TCF20: variants seen among roughly 807,000 people sequenced by gnomAD.
The protein encoded by TCF20 is SPRE-binding protein.
In TCF20, 3 loss-of-function variants were observed where a neutral mutation model predicts 148.6. That is an observed-to-expected ratio of 0.02 (90% CI 0.01 to 0.05). TCF20 has a LOEUF of 0.05. TCF20 is among the 10% of genes least tolerant of loss of function. TCF20 has a pLI of 1.00. For missense variants in TCF20, 2,350 were observed against 2,429.3 expected (o/e 0.97, Z 0.69); for synonymous variants, 1,049 against 909.5 (o/e 1.15, Z -2.76).
intron 1 of TCF20, chr22:42,269,856 C>T (rs1257226473): frequency 6.6e-6 from 1 of 152,370 alleles, no homozygotes; most frequent in African/African-American, 2.4e-5. Flanking sequence ...CGCCCTCCCG[C>T]CCACATCCCG....
intron 2 of TCF20, among the ~76,000 whole-genome samples, chr22:42,204,688 T>TA (rs772612674): frequency 6.6e-6 from 1 of 151,730 alleles, no homozygotes; most frequent in East Asian, 1.9e-4. Flanking sequence ...CTATTAAAAA[T>TA]ACAAAAATTA....
In TCF20 at chr22:42,163,626, A is replaced by G. The variant is rs139391067; in HGVS notation, c.*45-2268T>C. ...ACATGTAGCCCAAAGCGACGTGGCC[A>G]GAGGTGGGACTGGGGCTTTCCCAAC... On this transcript the variant is annotated intron_variant, in intron 5 of 5. Coordinates refer to ENST00000677622, the MANE Select transcript of TCF20 (RefSeq NM_001378418.1). Among the ~76,000 whole-genome samples, 4 of 152,352 alleles carry G rather than the reference A, an allele frequency of 2.6e-5. No homozygotes were observed. In the East Asian group the frequency reaches 7.7e-4, roughly 29 times the overall value.
chr22:42,288,243 A>T (rs1927066542), upstream of TCF20, among the ~76,000 whole-genome samples: 1 of 152,164 alleles, frequency 6.6e-6, no homozygotes, highest in Non-Finnish European at 1.5e-5. Context: ...AAATACAAAA[A>T]TTAGCCAGGC....
intron 1 of TCF20, among the ~76,000 whole-genome samples, chr22:42,251,551 G>A (rs959902898): frequency 3.4e-5 from 4 of 118,990 alleles, no homozygotes; most frequent in Non-Finnish European, 6.5e-5. Context: ...CACCCAGGTT[G>A]GAGTACAGTG....
chr22:42,164,014 C>CA (rs1160074451), intron 5 of TCF20, among the ~76,000 whole-genome samples: 4 of 152,072 alleles, frequency 2.6e-5, no homozygotes, highest in African/African-American at 7.2e-5. Flanking sequence ...CCAACTGCAG[C>CA]AAAAACTCAT....
intron 1 of TCF20, among the ~76,000 whole-genome samples, chr22:42,225,785 G>A (rs534208206): frequency 6.6e-6 from 1 of 152,272 alleles, no homozygotes; most frequent in African/African-American, 2.4e-5. Flanking sequence ...GAGCCTGCCA[G>A]ACAGGACCTC....
chr22:42,249,367 T>C (rs563957661), intron 1 of TCF20, among the ~76,000 whole-genome samples: 2 of 152,316 alleles, frequency 1.3e-5, no homozygotes, highest in Non-Finnish European at 2.9e-5. Flanking sequence ...TCTATACACA[T>C]ATCCTATTGG....
rs1378115635 is a variant in TCF20 at position 42,169,868 on chromosome 22, C to T, written c.5778G>A (p.Ser1926=). 8 of 1,613,234 alleles carry T rather than the reference C, an allele frequency of 5.0e-6. No individual in the cohort carries two copies. Among genetic ancestry groups the T allele is most frequent in the Non-Finnish European group, 5.9e-6 (7 of 1,179,994 alleles). The change falls in exon 4 of 6, where the codon TCG becomes TCA. Residue 1926 remains serine, a synonymous_variant. Coordinates refer to ENST00000677622, the MANE Select transcript of TCF20 (RefSeq NM_001378418.1). ...ADCLLHEENF[S]VRCPKHKPPL... ...TCACCTTGTGCTTAGGGCACCTCACCGAGAAGTTCTCCTCATGTAGCAAAC... is the reference window on the plus strand; with the variant it reads ...TCACCTTGTGCTTAGGGCACCTCACTGAGAAGTTCTCCTCATGTAGCAAAC...
chr22:42,343,246 A>G (rs1175694392), intron 1 of TCF20, among the ~76,000 whole-genome samples: 1 of 152,106 alleles, frequency 6.6e-6, no homozygotes, highest in African/African-American at 2.4e-5. Context: ...TCTCATCTGT[A>G]CAATGGGGAC....
intron 2 of TCF20, among the ~76,000 whole-genome samples, chr22:42,209,219 G>C (rs1483211488): frequency 2.0e-5 from 3 of 152,146 alleles, no homozygotes; most frequent in Non-Finnish European, 4.4e-5. Flanking sequence ...ACTACTAAAG[G>C]ATGATGCACG....
intron 1 of TCF20, among the ~76,000 whole-genome samples, chr22:42,257,243 C>T (rs1009125164): frequency 5.3e-5 from 8 of 152,322 alleles, no homozygotes; most frequent in Admixed American, 3.9e-4. Context: ...ACCTAAACCG[C>T]TAATATTCCA....
At chr22:42,248,031 G>A (rs1925063325) in intron 1 of TCF20, among the ~76,000 whole-genome samples, 1 of 152,164 alleles carries the variant, frequency 6.6e-6, no homozygotes, top group East Asian at 1.9e-4. Flanking sequence ...CACTACTCTA[G>A]GAAACATGGA....
chr22:42,200,687 C>T (rs933834474), intron 2 of TCF20, among the ~76,000 whole-genome samples: 6 of 145,524 alleles, frequency 4.1e-5, no homozygotes, highest in African/African-American at 1.0e-4. Flanking sequence ...ATCCCTAAAA[C>T]GTTTCTCAGA....
chr22:42,242,068 A>T (rs1285180116), intron 1 of TCF20, among the ~76,000 whole-genome samples: 1 of 151,486 alleles, frequency 6.6e-6, no homozygotes, highest in Non-Finnish European at 1.5e-5. Context: ...CAGGCGTGGT[A>T]ATAAGTGCCT....
intron 1 of TCF20, among the ~76,000 whole-genome samples, chr22:42,241,510 T>G (rs1442259187): frequency 6.6e-6 from 1 of 152,176 alleles, no homozygotes; most frequent in Non-Finnish European, 1.5e-5. Context: ...TGGTAAGAAC[T>G]ATCCATTGAG....
At chr22:42,331,885 G>A (rs1927981820) in intron 1 of TCF20, among the ~76,000 whole-genome samples, 1 of 152,264 alleles carries the variant, frequency 6.6e-6, no homozygotes, top group Non-Finnish European at 1.5e-5. Flanking sequence ...GGGTGTCAGA[G>A]ATCACGGAAT....
Position 42,168,714 on chromosome 22 carries a change from G to A in TCF20, c.5822C>T (p.Pro1941Leu), listed in dbSNP as rs764774335. 9 of 1,611,262 alleles carry A rather than the reference G, an allele frequency of 5.6e-6. No homozygotes were observed. The highest frequency in any genetic ancestry group is 2.2e-5 in the East Asian group (1 of 44,798). ...TTTCGCGGTCTTGTTCTGCAAGGGG[G>A]GGAGAGGGCACGGAAGGGGAGGCTG... is the stretch of plus-strand genomic sequence containing the variant. ...KHKPPLPCPL[P>L]PLQNKTAKGS... is the part of the protein sequence containing the mutation. Residue 1941 changes from proline (P) to leucine (L), a missense_variant, in exon 5 of 6, where the codon CCC becomes CTC. Pro to Leu is a moderately conservative substitution (Grantham distance 98). This residue lies in a region of TCF20 where 67 missense variants were observed against 60.8 expected (regional missense o/e 1.10). Transcript: ENST00000677622.
At position 42,212,610 on chromosome 22, in the gene TCF20, C is replaced by A. The variant is rs374348035; in HGVS notation, c.2696G>T (p.Arg899Leu). ...CGACTGACTTAAAGTTGGATTGAGA[C>A]GGTCATTCCTCCCAATTCTGGTGTC... Reference protein sequence around the residue: ...SADTRIGRNDRLNPTLSQSVI... With the variant: ...SADTRIGRNDLLNPTLSQSVI... Residue 899 changes from arginine (R) to leucine (L), a missense_variant, in exon 2 of 6, where the codon CGT becomes CTT. By Grantham distance (102) the Arg-to-Leu change is moderately radical. Coordinates refer to ENST00000677622, the MANE Select transcript of TCF20 (RefSeq NM_001378418.1). 3.1e-6 allele frequency: 5 copies of A among 1,614,036 alleles called. No homozygotes were observed. The African/African-American group carries it at 6.7e-5, about 22-fold the overall frequency.
intron 1 of TCF20, among the ~76,000 whole-genome samples, chr22:42,343,224 T>C (rs1024104153): frequency 1.3e-5 from 2 of 152,108 alleles, no homozygotes; most frequent in African/African-American, 4.8e-5. Context: ...TGCCCACTCT[T>C]AGCCTCCGTT....
Sources: gnomAD v4.1 joint callset for allele counts (sites outside exome capture counted in the v4.1 genomes callset) on GRCh38, gnomAD v4.1.1 for gene constraint, gnomAD v4.1.1 regional missense constraint, MANE v1.5 for transcripts, NCBI Gene and HGNC (gene_info 2026-07-23, HGNC 2026-07-21) for gene names.